The following TBC1D5 variants were observed in gnomAD, a reference collection of about 807,000 sequenced individuals.
TBC1D5 encodes the protein TBC1 domain family member 5, also known as TBC1 domain family, member 5.
Under a neutral mutation model 100.3 loss-of-function variants are expected in TBC1D5, and 75 were observed. The observed-to-expected ratio is 0.75, with a 90% confidence interval of 0.62 to 0.91. The LOEUF is 0.91. Ranked by LOEUF, TBC1D5 falls within the 40% of genes least tolerant of loss-of-function variation. TBC1D5 has a pLI of 0.00. For missense variants in TBC1D5, 910 were observed against 942.4 expected (o/e 0.97, Z 0.45); for synonymous variants, 323 against 325.6 (o/e 0.99, Z 0.09).
At chr3:17,215,171 G>C (rs1162583441) in intron 17 of TBC1D5, among the ~76,000 whole-genome samples, 1 of 152,136 alleles carries the variant, frequency 6.6e-6, no homozygotes, top group Non-Finnish European at 1.5e-5. Context: ...TAAAAGGATT[G>C]CTCTGGCTGT....
At chr3:17,308,022 C>T (rs762109270) in exon 14 of TBC1D5, 22 of 1,605,478 alleles carry the variant, frequency 1.4e-5, no homozygotes, top group Middle Eastern at 1.7e-4. Context: ...AACATGGCTA[C>T]GAAGATATAA....
intron 4 of TBC1D5, among the ~76,000 whole-genome samples, chr3:17,424,284 T>C (rs1046809488): frequency 5.3e-5 from 8 of 152,332 alleles, no homozygotes; most frequent in Admixed American, 2.6e-4. Context: ...TGTAGTCATA[T>C]GTGCTGGCAA....
At chr3:17,292,323 T>C (rs2081845732) in intron 14 of TBC1D5, among the ~76,000 whole-genome samples, 1 of 152,248 alleles carries the variant, frequency 6.6e-6, no homozygotes, top group Admixed American at 6.5e-5. Flanking sequence ...TATGTTTAAA[T>C]GTCTCCTGTT....
chr3:17,607,308 A>G (rs187690588), intron 2 of TBC1D5, among the ~76,000 whole-genome samples: 29 of 152,336 alleles, frequency 1.9e-4, no homozygotes, highest in Admixed American at 1.9e-3. Context: ...TATAGCAGTG[A>G]ATAAAATTGG....
At chr3:17,629,834 A>T (rs911752830) in intron 1 of TBC1D5, among the ~76,000 whole-genome samples, 1 of 152,228 alleles carries the variant, frequency 6.6e-6, no homozygotes, top group East Asian at 1.9e-4. Flanking sequence ...ATTTTCTGAC[A>T]TTTGAACTTT....
chr3:17,255,264 G>A (rs961538572), intron 16 of TBC1D5, among the ~76,000 whole-genome samples: 2 of 152,090 alleles, frequency 1.3e-5, no homozygotes, highest in South Asian at 2.1e-4. Flanking sequence ...GCAGTGGCAC[G>A]ATCTCGGCTC....
At position 17,446,782 on chromosome 3, in the gene TBC1D5, G is replaced by A. The variant is rs1421546753; in HGVS notation, c.98-18263C>T. Among the ~76,000 whole-genome samples, 12 of 152,190 alleles carry A rather than the reference G, an allele frequency of 7.9e-5. No homozygotes were observed. The South Asian group carries it at 1.7e-3, about 21-fold the overall frequency. ...GTCAGGAGATTGAGACCATCCTGGC[G>A]AACACGGTGAAACCCCGTCTCTAGT... On this transcript the variant is annotated intron_variant, in intron 3 of 21. Transcript: ENST00000253692.
chr3:17,385,594 A>AT (rs138768652), intron 8 of TBC1D5, among the ~76,000 whole-genome samples: 9,198 of 151,856 alleles, frequency 0.061, 545 homozygotes, highest in African/African-American at 0.15. Context: ...TCTGGTCCTA[A>AT]TTTTTTAAAT....
chr3:17,713,440 C>G (rs2074945821), intron 1 of TBC1D5, among the ~76,000 whole-genome samples: 1 of 151,998 alleles, frequency 6.6e-6, no homozygotes, highest in Admixed American at 6.6e-5. Context: ...GACAGGGTTT[C>G]ACCATGTTAA....
At chr3:17,212,494 T>C (rs2073101692) in intron 18 of TBC1D5, among the ~76,000 whole-genome samples, 2 of 150,968 alleles carry the variant, frequency 1.3e-5, no homozygotes. Context: ...GTACTTCTAG[T>C]TATATATATA....
At position 17,344,520 on chromosome 3, in the gene TBC1D5, C is replaced by T. The variant is rs569564051; in HGVS notation, c.995+27555G>A. 2.2e-4 allele frequency among the ~76,000 whole-genome samples: 34 copies of T among 151,662 alleles called. No homozygotes were observed. In the East Asian group the frequency reaches 6.2e-3, roughly 28 times the overall value. ...GGTAATTTATAGATTCAATGCCATC[C>T]CCATCAAGCTACCAATGACTTTCTT... On this transcript the variant is annotated intron_variant, in intron 13 of 21. Coordinates refer to ENST00000253692, the Ensembl canonical transcript of TBC1D5.
intron 3 of TBC1D5, among the ~76,000 whole-genome samples, chr3:17,474,263 A>G (rs1372332767): frequency 6.6e-6 from 1 of 152,204 alleles, no homozygotes; most frequent in Non-Finnish European, 1.5e-5. Flanking sequence ...AATATAAACT[A>G]CTTACTCATC....
chr3:17,194,936 T>A (rs2070452490), intron 18 of TBC1D5, among the ~76,000 whole-genome samples: 1 of 152,154 alleles, frequency 6.6e-6, no homozygotes, highest in Non-Finnish European at 1.5e-5. Flanking sequence ...AAGCTTACAA[T>A]CTGGAATAAA....
chr3:17,165,575 C>T (rs1575688045), intron 21 of TBC1D5, among the ~76,000 whole-genome samples: 2 of 152,290 alleles, frequency 1.3e-5, no homozygotes, highest in Admixed American at 1.3e-4. Context: ...GGAAGTTAAC[C>T]ATGGAGTCTC....
chr3:17,512,079 G>A lies in TBC1D5; in HGVS notation c.-35-3474C>T, dbSNP rs575316486. On this transcript the variant is annotated intron_variant, in intron 2 of 21. Transcript: ENST00000253692. Reference sequence around the variant, plus strand: ...GAATCTAAAAAAGCAACTTAAGTTTGTCGGTTACTGCTATTGGGATTACCT... The same window carrying A: ...GAATCTAAAAAAGCAACTTAAGTTTATCGGTTACTGCTATTGGGATTACCT... Among the ~76,000 whole-genome samples, 25 of 152,070 alleles carry A rather than the reference G, an allele frequency of 1.6e-4. No individual in the cohort carries two copies. The East Asian group carries it at 4.1e-3, about 25-fold the overall frequency.
intron 8 of TBC1D5, among the ~76,000 whole-genome samples, chr3:17,398,457 AC>A (rs1248856208): frequency 6.6e-6 from 1 of 152,146 alleles, no homozygotes; most frequent in Non-Finnish European, 1.5e-5. Context: ...TTAAACTCAT[AC>A]TAGAAAGTTG....
At chr3:17,288,370 G>A (rs1463264634) in intron 15 of TBC1D5, among the ~76,000 whole-genome samples, 1 of 152,164 alleles carries the variant, frequency 6.6e-6, no homozygotes, top group Non-Finnish European at 1.5e-5. Flanking sequence ...GGTCCCTGAT[G>A]AAACCTGACC....
intron 3 of TBC1D5, among the ~76,000 whole-genome samples, chr3:17,482,126 G>A (rs1272674322): frequency 2.0e-5 from 3 of 152,116 alleles, no homozygotes; most frequent in African/African-American, 7.2e-5. Context: ...AGCATTGAAA[G>A]GTGTTTACTA....
chr3:17,601,158 T>C (rs577107092), intron 2 of TBC1D5, among the ~76,000 whole-genome samples: 1 of 152,336 alleles, frequency 6.6e-6, no homozygotes, highest in African/African-American at 2.4e-5. Context: ...GTAGCCTATA[T>C]AGTCATTGAA....
Sources: allele counts gnomAD v4.1 joint callset (sites outside exome capture counted in the v4.1 genomes callset), GRCh38; gene constraint gnomAD v4.1.1; transcripts MANE v1.5; gene names NCBI Gene and HGNC (gene_info 2026-07-23, HGNC 2026-07-21).